Variants in NEGR1 observed in about 807,000 individuals in gnomAD.
NEGR1 encodes the protein neuronal growth regulator 1, also known as IgLON family member 4.
NEGR1 carries 10 observed loss-of-function variants against 40.9 expected under a neutral mutation model. That is an observed-to-expected ratio of 0.24 (90% CI 0.15 to 0.42). The LOEUF is 0.42. Among genes scored for constraint, NEGR1 ranks in the 10% least tolerant of loss-of-function variants. The pLI is 1.00. For synonymous variants in NEGR1, 185 were observed against 166.8 expected, an observed-to-expected ratio of 1.11 and a Z score of -0.84; for missense variants, 352 against 438.9, an observed-to-expected ratio of 0.80 and a Z score of 1.77.
intron 2 of NEGR1, among the ~76,000 whole-genome samples, chr1:71,916,814 T>C (rs1201591938): frequency 6.6e-6 from 1 of 152,136 alleles, no homozygotes; most frequent in Non-Finnish European, 1.5e-5. Flanking sequence ...TCCAAGTGCA[T>C]AGTACTCTAA....
intron 6 of NEGR1, among the ~76,000 whole-genome samples, chr1:71,520,492 G>A (rs1204287216): frequency 6.6e-6 from 1 of 152,042 alleles, no homozygotes; most frequent in Non-Finnish European, 1.5e-5. Context: ...ACATGGTTTT[G>A]TCTCAATGAT....
chr1:72,088,258 C>A (rs1648303316), intron 1 of NEGR1, among the ~76,000 whole-genome samples: 2 of 152,042 alleles, frequency 1.3e-5, no homozygotes, highest in South Asian at 2.1e-4. Flanking sequence ...GTTAGAAAGG[C>A]AAAGTGTCAG....
chr1:71,501,385 T>A (rs1646998496), intron 6 of NEGR1, among the ~76,000 whole-genome samples: 1 of 152,152 alleles, frequency 6.6e-6, no homozygotes, highest in Non-Finnish European at 1.5e-5. Flanking sequence ...AATTTCTAAA[T>A]ACAATTTGGG....
At chr1:71,670,371 A>AT (rs1230304262) in intron 4 of NEGR1, among the ~76,000 whole-genome samples, 11 of 151,484 alleles carry the variant, frequency 7.3e-5, no homozygotes, top group Admixed American at 3.3e-4. Flanking sequence ...TGTTTTTAAG[A>AT]TTTTCTCACT....
At chr1:71,775,255 A>G (rs1417058597) in intron 3 of NEGR1, among the ~76,000 whole-genome samples, 2 of 152,128 alleles carry the variant, frequency 1.3e-5, no homozygotes, top group African/African-American at 2.4e-5. Context: ...TTGATTGGTG[A>G]TTATCCAGCA....
At chr1:71,562,932 G>T (rs1648506287) in intron 6 of NEGR1, among the ~76,000 whole-genome samples, 1 of 151,906 alleles carries the variant, frequency 6.6e-6, no homozygotes, top group African/African-American at 2.4e-5. Context: ...ACCATTAGTA[G>T]TTCTTGGAGC....
chr1:72,024,285 A>G (rs965334018), intron 1 of NEGR1, among the ~76,000 whole-genome samples: 2 of 152,058 alleles, frequency 1.3e-5, no homozygotes, highest in African/African-American at 2.4e-5. Context: ...TGAAAAGTCT[A>G]TAATATATAT....
chr1:71,821,002 G>C (rs571873086), intron 2 of NEGR1, among the ~76,000 whole-genome samples: 3 of 151,960 alleles, frequency 2.0e-5, no homozygotes, highest in African/African-American at 7.2e-5. Context: ...TGCTAGAGCA[G>C]ATTAATATGG....
At chr1:71,553,749 GAAA>G (rs71788975) in intron 6 of NEGR1, among the ~76,000 whole-genome samples, 2 of 151,388 alleles carry the variant, frequency 1.3e-5, no homozygotes, top group Non-Finnish European at 3.0e-5. Context: ...AGCCAACCTG[GAAA>G]AAAGTTTGAT....
intron 1 of NEGR1, among the ~76,000 whole-genome samples, chr1:72,206,363 C>A (rs1430653698): frequency 2.6e-5 from 4 of 152,024 alleles, no homozygotes; most frequent in Non-Finnish European, 4.4e-5. Context: ...GAACTAATAG[C>A]AAACTTGAAT....
At chr1:71,688,856 A>C (rs1212668533) in intron 4 of NEGR1, among the ~76,000 whole-genome samples, 1 of 152,192 alleles carries the variant, frequency 6.6e-6, no homozygotes, top group East Asian at 1.9e-4. Flanking sequence ...GTATTATGAC[A>C]AAGCTCACAA....
intron 6 of NEGR1, among the ~76,000 whole-genome samples, chr1:71,415,582 T>C (rs1646349804): frequency 6.6e-6 from 1 of 152,106 alleles, no homozygotes; most frequent in Non-Finnish European, 1.5e-5. Flanking sequence ...TACCTCTAAT[T>C]TGAGGTAAGG....
At chr1:72,074,160 T>C (rs1647611911) in intron 1 of NEGR1, among the ~76,000 whole-genome samples, 1 of 152,022 alleles carries the variant, frequency 6.6e-6, no homozygotes, top group Admixed American at 6.6e-5. Flanking sequence ...ATAGATGACA[T>C]CTTGGATTTG....
intron 1 of NEGR1, among the ~76,000 whole-genome samples, chr1:72,204,285 C>A (rs9425076): frequency 0.012 from 1,887 of 152,108 alleles, 24 homozygotes; most frequent in Non-Finnish European, 0.02. Flanking sequence ...ACTAAACTCC[C>A]TAATTAATGA....
intron 1 of NEGR1, among the ~76,000 whole-genome samples, chr1:72,032,935 C>G (rs1456634140): frequency 6.6e-6 from 1 of 152,064 alleles, no homozygotes; most frequent in African/African-American, 2.4e-5. Context: ...TTTCAAAGTA[C>G]TTGGAACAGA....
At chr1:71,549,394 C>T (rs1648001836) in intron 6 of NEGR1, among the ~76,000 whole-genome samples, 1 of 151,602 alleles carries the variant, frequency 6.6e-6, no homozygotes, top group Non-Finnish European at 1.5e-5. Flanking sequence ...TGCACTGGTT[C>T]CTCCATGCTT....
intron 3 of NEGR1, among the ~76,000 whole-genome samples, chr1:71,711,361 A>AAG (rs1553160433): frequency 1.7e-4 from 25 of 150,180 alleles, no homozygotes; most frequent in East Asian, 5.8e-4. Flanking sequence ...AAAAAAAAAA[A>AAG]AAGAAGAAGA....
intron 3 of NEGR1, among the ~76,000 whole-genome samples, chr1:71,756,284 A>C (rs1380036660): frequency 6.6e-6 from 1 of 152,052 alleles, no homozygotes; most frequent in African/African-American, 2.4e-5. Flanking sequence ...ATTGCCTTAT[A>C]TCACATTTTA....
chr1:71,848,614 T>C (rs1295600297), intron 2 of NEGR1, among the ~76,000 whole-genome samples: 2 of 152,180 alleles, frequency 1.3e-5, no homozygotes, highest in African/African-American at 2.4e-5. Context: ...AGGCCTACTG[T>C]TCAGAAATAA....
Sources: gnomAD v4.1 joint callset for allele counts (sites outside exome capture counted in the v4.1 genomes callset) on GRCh38, gnomAD v4.1.1 for gene constraint, MANE v1.5 for transcripts, NCBI Gene and HGNC (gene_info 2026-07-23, HGNC 2026-07-21) for gene names.